WWC2: variants seen among roughly 807,000 people sequenced by gnomAD.
The protein encoded by WWC2 is protein WWC2.
In WWC2, 101 loss-of-function variants were observed where a neutral mutation model predicts 138.5. That is an observed-to-expected ratio of 0.73 (90% CI 0.62 to 0.86). WWC2 has a LOEUF of 0.86. Among genes scored for constraint, WWC2 ranks in the 40% least tolerant of loss-of-function variants. The pLI is 0.00. For missense variants in WWC2, 1,420 were observed against 1,419.4 expected (o/e 1.00, Z -0.01); for synonymous variants, 558 against 538.4 (o/e 1.04, Z -0.50).
intron 15 of WWC2, 72 bp downstream of exon 15, chr4:183,269,235 G>A (rs1737619489): frequency 6.8e-7 from 1 of 1,472,544 alleles, no homozygotes; most frequent in Middle Eastern, 1.8e-4. Context: ...CTTTGTAGTT[G>A]CTATTTTGCC....
chr4:183,159,197 A>G (rs1180728069), intron 1 of WWC2, among the ~76,000 whole-genome samples: 4 of 152,244 alleles, frequency 2.6e-5, no homozygotes, highest in African/African-American at 4.8e-5. Flanking sequence ...AACTGATAGT[A>G]GTTCACTAGA....
intron 2 of WWC2, 92 bp from the exon 3 acceptor site, chr4:183,207,861 A>T: frequency 1.7e-6 from 2 of 1,202,474 alleles, no homozygotes; most frequent in East Asian, 2.6e-5. Flanking sequence ...CTTAGAGGAT[A>T]CAAGAACTTA....
rs535685459 is a variant in WWC2, at chr4:183,244,100, C to G, written c.603-1316C>G. Among the ~76,000 whole-genome samples the G allele has an allele frequency of 3.9e-5, 6 of 152,106 alleles. No homozygotes were observed. In the South Asian group the frequency reaches 1.0e-3, roughly 26 times the overall value. ...AGCTCAGAGCCTGTTTTCCCCGATT[C>G]AGTAGGTACTATTTCTCTGGAGACT... On this transcript the variant is annotated intron_variant, in intron 5 of 22. Transcript: ENST00000403733.
chr4:183,164,681 C>A (rs1734084702), intron 1 of WWC2, among the ~76,000 whole-genome samples: 1 of 151,896 alleles, frequency 6.6e-6, no homozygotes, highest in South Asian at 2.1e-4. Context: ...TGGGTTTAGG[C>A]CCACTTGGCT....
chr4:183,260,844 G>T (rs906592831), intron 10 of WWC2, 66 bp from the exon 11 acceptor site: 49 of 1,560,934 alleles, frequency 3.1e-5, no homozygotes, highest in Non-Finnish European at 4.1e-5. Flanking sequence ...GAAGGAGCCA[G>T]TAGAGATTGT....
At chr4:183,163,638 T>C (rs1734025652) in intron 1 of WWC2, among the ~76,000 whole-genome samples, 1 of 152,226 alleles carries the variant, frequency 6.6e-6, no homozygotes, top group African/African-American at 2.4e-5. Context: ...TTTTTCATTT[T>C]GGTTGTTTGA....
At chr4:183,147,986 TA>T (rs957775564) in intron 1 of WWC2, among the ~76,000 whole-genome samples, 5 of 151,336 alleles carry the variant, frequency 3.3e-5, no homozygotes, top group African/African-American at 4.8e-5. Flanking sequence ...TTTGAGTAGT[TA>T]AAAAAAAAGC....
intron 21 of WWC2, among the ~76,000 whole-genome samples, chr4:183,311,019 G>A (rs947531071): frequency 1.3e-5 from 2 of 152,046 alleles, no homozygotes; most frequent in African/African-American, 4.8e-5. Context: ...CAAGCAACTT[G>A]CCCAGATTTA....
intron 4 of WWC2, among the ~76,000 whole-genome samples, chr4:183,221,828 G>T (rs1735943944): frequency 6.6e-6 from 1 of 152,112 alleles, no homozygotes; most frequent in African/African-American, 2.4e-5. Flanking sequence ...CAACCCTTTT[G>T]GAAAGCGGGT....
chr4:183,139,917 A>G (rs1224029878), intron 1 of WWC2, among the ~76,000 whole-genome samples: 1 of 152,098 alleles, frequency 6.6e-6, no homozygotes, highest in Non-Finnish European at 1.5e-5. Context: ...GGTGCAAGCA[A>G]TCCTCCTGCT....
At chr4:183,128,250 A>T (rs1330102603) in intron 1 of WWC2, among the ~76,000 whole-genome samples, 1 of 152,120 alleles carries the variant, frequency 6.6e-6, no homozygotes, top group Non-Finnish European at 1.5e-5. Flanking sequence ...GAGGCAGAAG[A>T]ATTGCTTGAA....
At chr4:183,232,795 A>G (rs1736290690) in intron 4 of WWC2, among the ~76,000 whole-genome samples, 1 of 151,884 alleles carries the variant, frequency 6.6e-6, no homozygotes, top group South Asian at 2.1e-4. Flanking sequence ...TTACAGGCGC[A>G]TGCCACCACA....
At chr4:183,217,538 A>G (rs1735791274) in intron 4 of WWC2, among the ~76,000 whole-genome samples, 1 of 152,176 alleles carries the variant, frequency 6.6e-6, no homozygotes, top group African/African-American at 2.4e-5. Context: ...TGTTATACAT[A>G]TGCTCAAGAA....
chr4:183,101,661 G>A (rs1743184943), intron 1 of WWC2, among the ~76,000 whole-genome samples: 1 of 152,178 alleles, frequency 6.6e-6, no homozygotes. Context: ...TAGAGTAAGA[G>A]CTGATGGGAA....
intron 2 of WWC2, among the ~76,000 whole-genome samples, chr4:183,196,188 A>T (rs897800014): frequency 1.3e-5 from 2 of 152,112 alleles, no homozygotes; most frequent in African/African-American, 2.4e-5. Flanking sequence ...ATCCTGCAGA[A>T]CCGTGAGTTA....
intron 3 of WWC2, 95 bp downstream of exon 3, chr4:183,208,251 C>G: frequency 1.6e-6 from 2 of 1,283,176 alleles, no homozygotes; most frequent in East Asian, 2.5e-5. Flanking sequence ...AATTTTGAGT[C>G]CTTTTCCCTC....
chr4:183,182,802 T>A (rs1327452532), intron 1 of WWC2, among the ~76,000 whole-genome samples: 2 of 152,226 alleles, frequency 1.3e-5, no homozygotes, highest in Non-Finnish European at 2.9e-5. Context: ...AACATATGTA[T>A]CAACTAACAC....
intron 21 of WWC2, among the ~76,000 whole-genome samples, chr4:183,293,863 AAAAT>A (rs1334096597): frequency 6.6e-6 from 1 of 152,192 alleles, no homozygotes; most frequent in Non-Finnish European, 1.5e-5. Context: ...AAATTTAACA[AAAAT>A]AAACCGTACA....
chr4:183,222,597 A>G (rs1485670957), intron 4 of WWC2, among the ~76,000 whole-genome samples: 1 of 152,144 alleles, frequency 6.6e-6, no homozygotes, highest in Admixed American at 6.5e-5. Context: ...TAATTTGGGG[A>G]TGTAGGAGGG....
Sources: gnomAD v4.1 joint callset for allele counts (sites outside exome capture counted in the v4.1 genomes callset) on GRCh38, gnomAD v4.1.1 for gene constraint, MANE v1.5 for transcripts, NCBI Gene and HGNC (gene_info 2026-07-23, HGNC 2026-07-21) for gene names.